The following RGPD4 variants were observed in gnomAD, a reference collection of about 807,000 sequenced individuals.
The protein encoded by RGPD4 is ranBP2-like and GRIP domain-containing protein 4.
Under a neutral mutation model 141.1 loss-of-function variants are expected in RGPD4, and 84 were observed. The ratio of observed to expected loss-of-function variants is 0.60; its 90% confidence interval spans 0.50 to 0.71. The LOEUF (loss-of-function observed/expected upper bound fraction) is 0.71, where lower values mean the gene tolerates loss of function less well. Among genes scored for constraint, RGPD4 ranks in the 30% least tolerant of loss-of-function variants. RGPD4 has a pLI of 0.00. For synonymous variants in RGPD4, 298 were observed against 566.8 expected, an observed-to-expected ratio of 0.53 and a Z score of 6.74; for missense variants, 918 against 1,622.4, an observed-to-expected ratio of 0.57 and a Z score of 7.46.
At chr2:107,829,651 G>A (rs1371056490) in intron 1 of RGPD4, among the ~76,000 whole-genome samples, 1 of 152,082 alleles carries the variant, frequency 6.6e-6, no homozygotes, top group African/African-American at 2.4e-5. Flanking sequence ...TCCTGTGGGC[G>A]GCGTGGCACT....
chr2:107,878,585 A>T (rs1206523958), intron 20 of RGPD4, among the ~76,000 whole-genome samples: 1 of 148,672 alleles, frequency 6.7e-6, no homozygotes, highest in African/African-American at 2.5e-5. Flanking sequence ...GCTCCAATAA[A>T]ATTTCTTTCA....
Position 107,882,767 on chromosome 2 carries a change from C to G in RGPD4, c.5160C>G (p.Phe1720Leu), listed in dbSNP as rs561727484. 5 of 1,611,500 alleles carry G rather than the reference C, an allele frequency of 3.1e-6. No homozygotes were observed. The South Asian group carries it at 5.5e-5, about 18-fold the overall frequency. The part of the protein sequence containing the change: ...VEHLKNVLLQ[F>L]IFLKPGSERE... ...ACTTGAAGAACGTCTTGCTGCAGTTCATTTTCTTGAAGCCAGGTAGTGAAA... is the reference window on the plus strand; with the variant it reads ...ACTTGAAGAACGTCTTGCTGCAGTTGATTTTCTTGAAGCCAGGTAGTGAAA... The change falls in exon 22 of 23, where the codon TTC becomes TTG. Residue 1720 changes from phenylalanine to leucine, a missense_variant. Transcript: ENST00000408999.
chr2:107,829,588 G>C (rs1356046040), intron 1 of RGPD4, among the ~76,000 whole-genome samples: 8 of 150,068 alleles, frequency 5.3e-5, no homozygotes, highest in Non-Finnish European at 1.2e-4. Flanking sequence ...CATGGCTCCC[G>C]ACGGGCGCTG....
chr2:107,855,960 T>C, intron 8 of RGPD4, among the ~76,000 whole-genome samples: 1 of 95,300 alleles, frequency 1.0e-5, no homozygotes, highest in East Asian at 2.8e-4. Context: ...TGTTATAGCA[T>C]GTATCAGTAC....
At chr2:107,828,665 C>T (rs1194996564) in intron 1 of RGPD4, among the ~76,000 whole-genome samples, 4 of 60,816 alleles carry the variant, frequency 6.6e-5, no homozygotes, top group African/African-American at 2.8e-4. Flanking sequence ...TGGCTCCCGA[C>T]GGGCGCTGCT....
intron 6 of RGPD4, among the ~76,000 whole-genome samples, chr2:107,844,828 TTG>T (rs1312333699): frequency 6.8e-5 from 6 of 88,574 alleles, no homozygotes; most frequent in African/African-American, 1.7e-4. Flanking sequence ...TCTTTCTTTT[TTG>T]TTTTTTTTTT....
At chr2:107,881,846 G>C (rs1196200958) in intron 21 of RGPD4, among the ~76,000 whole-genome samples, 1 of 151,514 alleles carries the variant, frequency 6.6e-6, no homozygotes, top group Non-Finnish European at 1.5e-5. Flanking sequence ...TTCTCTGATA[G>C]TGTTTTACAT....
At chr2:107,874,991 A>G (rs1368621775) in intron 20 of RGPD4, among the ~76,000 whole-genome samples, 9 of 109,394 alleles carry the variant, frequency 8.2e-5, no homozygotes, top group Admixed American at 1.7e-4. Context: ...GAAATAAAAT[A>G]TTACCTGTGT....
chr2:107,859,732 T>C lies in RGPD4; in HGVS notation c.1645T>C (p.Ser549Pro). 2 of 1,611,240 alleles carry C rather than the reference T, an allele frequency of 1.2e-6. No homozygotes were observed. The highest frequency in any genetic ancestry group is 1.7e-6 in the Non-Finnish European group (2 of 1,179,838). ...LIHRKAVPGNSAKLRLLVQHE... is the reference protein window; with the variant it reads ...LIHRKAVPGNPAKLRLLVQHE... Reference sequence around the variant, plus strand: ...TGAACTATTTTTTAGACCTGGAAACTCAGCAAAATTGAGACTTTTAGTTCA... The same window carrying C: ...TGAACTATTTTTTAGACCTGGAAACCCAGCAAAATTGAGACTTTTAGTTCA... Residue 549 changes from serine to proline, a missense_variant, in exon 12 of 23, where the codon TCA becomes CCA. By Grantham distance (74) the Ser-to-Pro change is moderately conservative (BLOSUM62 -1). Transcript: ENST00000408999.
rs1353738179 is a variant in RGPD4, at chr2:107,891,951, A to G, written c.*1220A>G. On this transcript the variant is annotated 3_prime_UTR_variant, in exon 23 of 23. Transcript: ENST00000408999. Reference sequence around the variant, plus strand: ...TGCATATGTTTTAATGACTAGATCCAAACTGTGTTGTTCTTAAATCAAAAA... The same window carrying G: ...TGCATATGTTTTAATGACTAGATCCGAACTGTGTTGTTCTTAAATCAAAAA... Among the ~76,000 whole-genome samples the G allele has an allele frequency of 1.4e-4, 15 of 109,998 alleles. 2 individuals are homozygous for G. Among genetic ancestry groups the G allele is most frequent in the African/African-American group, 5.3e-4 (15 of 28,376 alleles). 72.2% of individuals were successfully genotyped at this position (109,998 alleles called of 152,430 possible).
intron 1 of RGPD4, among the ~76,000 whole-genome samples, chr2:107,831,630 T>TGC: frequency 9.5e-6 from 1 of 105,526 alleles, no homozygotes; most frequent in Non-Finnish European, 1.9e-5. Context: ...GGCTGGAGTG[T>TGC]AGTGGCGCGA....
chr2:107,861,860 A>G, intron 15 of RGPD4, 120 bp downstream of exon 15: 2 of 1,489,546 alleles, frequency 1.3e-6, no homozygotes, highest in Non-Finnish European at 1.8e-6. Flanking sequence ...ATTAATGCAC[A>G]GAAGGGATGT....
Position 107,885,588 on chromosome 2 carries a change from A to C in RGPD4, c.5266+2715A>C, listed in dbSNP as rs897837168. ...GGAAACCCAGAACTCTAAGATGTGC[A>C]TTTGGTAAGTCCTGTAAACAGACAG... On this transcript the variant is annotated intron_variant, in intron 22 of 22. Transcript: ENST00000408999. 1.9e-4 allele frequency among the ~76,000 whole-genome samples: 29 copies of C among 152,312 alleles called. 2 individuals carry two copies. Among genetic ancestry groups the C allele is most frequent in the African/African-American group, 6.7e-4 (28 of 41,564 alleles).
intron 20 of RGPD4, among the ~76,000 whole-genome samples, chr2:107,873,702 C>A (rs568243367): frequency 7.3e-5 from 11 of 151,354 alleles, no homozygotes; most frequent in Non-Finnish European, 1.2e-4. Flanking sequence ...ATATGTAAGA[C>A]AGATTGGTGG....
chr2:107,878,668 AGATG>A (rs1558820917), intron 20 of RGPD4, among the ~76,000 whole-genome samples: 1 of 113,646 alleles, frequency 8.8e-6, no homozygotes. Context: ...TGGATGGATG[AGATG>A]GATGGATGGA....
At chr2:107,834,798 A>G (rs1681615310) in intron 1 of RGPD4, among the ~76,000 whole-genome samples, 1 of 111,984 alleles carries the variant, frequency 8.9e-6, no homozygotes, top group Non-Finnish European at 1.8e-5. Flanking sequence ...AATTGTGAAG[A>G]AAGAAAAAGA....
At chr2:107,890,585 C>T in intron 22 of RGPD4, 136 bp from the exon 23 acceptor site, 1 of 291,410 alleles carries the variant, frequency 3.4e-6, no homozygotes, top group Non-Finnish European at 6.4e-6. Flanking sequence ...AACCCCCCCC[C>T]CCCAACAAAA....
chr2:107,884,368 G>C (rs1395356994), intron 22 of RGPD4, among the ~76,000 whole-genome samples: 1 of 152,134 alleles, frequency 6.6e-6, no homozygotes, highest in Non-Finnish European at 1.5e-5. Flanking sequence ...CCAAAGTGCT[G>C]GGATTACAGG....
At chr2:107,873,488 C>T (rs1453242012) in intron 20 of RGPD4, among the ~76,000 whole-genome samples, 7 of 143,664 alleles carry the variant, frequency 4.9e-5, no homozygotes, top group African/African-American at 1.6e-4. Context: ...GCAGGAGGAT[C>T]GCTTGAGCAC....
Sources: gnomAD v4.1 joint callset for allele counts (sites outside exome capture counted in the v4.1 genomes callset) on GRCh38, gnomAD v4.1.1 for gene constraint, MANE v1.5 for transcripts, NCBI Gene and HGNC (gene_info 2026-07-23, HGNC 2026-07-21) for gene names.